Variants in EML5 observed in about 807,000 individuals in gnomAD.
EML5 encodes the protein EMAP like 5, also known as echinoderm microtubule-associated protein-like 5.
In EML5, 120 loss-of-function variants were observed where a neutral mutation model predicts 250.0. That is an observed-to-expected ratio of 0.48 (90% CI 0.41 to 0.56). The LOEUF (loss-of-function observed/expected upper bound fraction) is 0.56. Among genes scored for constraint, EML5 ranks in the 20% least tolerant of loss-of-function variants. EML5 has a pLI of 0.00. For missense variants in EML5, 2,006 were observed against 2,437.6 expected (o/e 0.82, Z 3.73); for synonymous variants, 771 against 806.5 (o/e 0.96, Z 0.75).
At chr14:88,698,032 T>C (rs181471000) in intron 14 of EML5, among the ~76,000 whole-genome samples, 102 of 152,290 alleles carry the variant, frequency 6.7e-4, no homozygotes, top group African/African-American at 2.4e-3. Context: ...CTACCGCACC[T>C]GGCCGAGATT....
At chr14:88,776,340 T>C (rs1037756832) in intron 1 of EML5, among the ~76,000 whole-genome samples, 1 of 152,114 alleles carries the variant, frequency 6.6e-6, no homozygotes, top group Non-Finnish European at 1.5e-5. Flanking sequence ...AATATAGCTG[T>C]GTTGAAGAAA....
intron 7 of EML5, among the ~76,000 whole-genome samples, chr14:88,735,336 T>A (rs770838865): frequency 6.6e-6 from 1 of 152,062 alleles, no homozygotes; most frequent in Non-Finnish European, 1.5e-5. Flanking sequence ...CTTTAATATA[T>A]AAACAGGTAT....
chr14:88,631,735 A>G (rs2090450255), intron 33 of EML5, among the ~76,000 whole-genome samples: 1 of 152,138 alleles, frequency 6.6e-6, no homozygotes, highest in African/African-American at 2.4e-5. Flanking sequence ...GTGCCATTGC[A>G]CTCCAGCCTG....
Position 88,614,922 on chromosome 14 carries a change from A to C in EML5, c.*896T>G, listed in dbSNP as rs1372217110. 2 of 152,220 alleles carry C rather than the reference A, an allele frequency of 1.3e-5. No homozygotes were observed. Among genetic ancestry groups the C allele is most frequent in the African/African-American group, 4.8e-5 (2 of 41,458 alleles). The allele number at this position is 152,220 out of a possible 1,614,324, so 9.4% of individuals were successfully genotyped here. A position where few individuals can be genotyped will look rare whatever the true frequency, so the allele number is the denominator to read the frequency against. ...GAGTGATTAAATTGTATAATGTTGT[A>C]TATGTGAATTTAACACTTTTGTTTA... On this transcript the variant is annotated 3_prime_UTR_variant, in exon 44 of 44. Transcript: ENST00000554922.
At chr14:88,677,974 A>C (rs901456676) in intron 21 of EML5, among the ~76,000 whole-genome samples, 2 of 152,220 alleles carry the variant, frequency 1.3e-5, no homozygotes, top group Non-Finnish European at 2.9e-5. Flanking sequence ...TCATTCTATT[A>C]CAAAGATACA....
At chr14:88,656,930 C>T (rs1209808814) in intron 27 of EML5, among the ~76,000 whole-genome samples, 1 of 152,170 alleles carries the variant, frequency 6.6e-6, no homozygotes, top group Non-Finnish European at 1.5e-5. Context: ...ACCTTATAAA[C>T]ATGTATAAAT....
chr14:88,756,724 C>T (rs1391807231), intron 1 of EML5, among the ~76,000 whole-genome samples: 2 of 152,006 alleles, frequency 1.3e-5, no homozygotes, highest in African/African-American at 2.4e-5. Flanking sequence ...AAAATAATCC[C>T]ACTTACAGTA....
chr14:88,652,347 C>T (rs2033417), intron 27 of EML5, among the ~76,000 whole-genome samples: 27,803 of 152,048 alleles, frequency 0.18, 3,069 homozygotes, highest in East Asian at 0.47. Flanking sequence ...TCTAGACTTC[C>T]CTGGCAACGC....
At chr14:88,764,606 CTTTG>C (rs1044580900) in intron 1 of EML5, among the ~76,000 whole-genome samples, 38 of 152,194 alleles carry the variant, frequency 2.5e-4, no homozygotes, top group African/African-American at 6.5e-4. Context: ...TTATTTCCTA[CTTTG>C]TTTGTTTTTG....
chr14:88,731,074 ATAT>A (rs1194922190), intron 7 of EML5, among the ~76,000 whole-genome samples: 1 of 151,866 alleles, frequency 6.6e-6, no homozygotes, highest in Non-Finnish European at 1.5e-5. Flanking sequence ...ATGTCTTTTT[ATAT>A]TATTATTATG....
chr14:88,730,444 C>A (rs1035275265), intron 7 of EML5, among the ~76,000 whole-genome samples: 5 of 152,202 alleles, frequency 3.3e-5, no homozygotes, highest in African/African-American at 7.2e-5. Context: ...TTACTTAAAT[C>A]ATTTTGAATT....
intron 21 of EML5, among the ~76,000 whole-genome samples, chr14:88,679,931 TG>T (rs1197300535): frequency 2.6e-5 from 4 of 152,174 alleles, no homozygotes; most frequent in Non-Finnish European, 5.9e-5. Context: ...TGGAAAAATT[TG>T]CTCAAAATTA....
intron 2 of EML5, among the ~76,000 whole-genome samples, chr14:88,747,377 A>C (rs1419032196): frequency 6.6e-6 from 1 of 152,050 alleles, no homozygotes; most frequent in Non-Finnish European, 1.5e-5. Context: ...GTTCCACTGC[A>C]CTCTAGCCTG....
intron 42 of EML5, 147 bp from the exon 43 acceptor site, chr14:88,616,389 GAGT>G: frequency 3.9e-6 from 3 of 773,018 alleles, no homozygotes; most frequent in Non-Finnish European, 6.4e-6. Flanking sequence ...TTTTCAGCAT[GAGT>G]AGTGGATCTG....
At chr14:88,785,701 A>T (rs1345297044) in intron 1 of EML5, among the ~76,000 whole-genome samples, 1 of 152,016 alleles carries the variant, frequency 6.6e-6, no homozygotes, top group Non-Finnish European at 1.5e-5. Flanking sequence ...CAAAATACAT[A>T]AAAATTTGCT....
At chr14:88,619,924 C>G (rs1422169172) in intron 39 of EML5, 1 of 152,194 alleles carries the variant, frequency 6.6e-6, no homozygotes, top group African/African-American at 2.4e-5. Context: ...CTCGGCCTCC[C>G]AAAGTGCTGG....
intron 37 of EML5, 112 bp downstream of exon 37, chr14:88,622,492 C>T (rs1292520325): frequency 3.7e-6 from 3 of 813,686 alleles, no homozygotes; most frequent in Non-Finnish European, 3.5e-6. Context: ...CAAGCAAATC[C>T]ATCGTTATGC....
Position 88,627,798 on chromosome 14 carries a change from A to G in EML5, c.4379T>C (p.Ile1460Thr). ...AGTCTGCTTGTTCATTGCATCCCAG[A>G]TGTGAATAGAAGGAGCTGTAGCTAA... ...DMSATAPSIH[I>T]WDAMNKQTLS... is the part of the protein sequence containing the mutation. Residue 1460 changes from isoleucine to threonine, a missense_variant, in exon 34 of 44, where the codon ATC becomes ACC. Physicochemically the swap from Ile to Thr is moderately conservative, Grantham distance 89. Around this residue, in one of 7 missense-constraint regions of EML5, gnomAD observed 1,375 missense variants for 1,590.3 expected, o/e 0.86. Coordinates refer to ENST00000554922, the MANE Select transcript of EML5 (RefSeq NM_183387.3). 1 of 1,601,692 alleles carries G rather than the reference A, an allele frequency of 6.2e-7. No homozygotes were observed. Among genetic ancestry groups the G allele is most frequent in the Non-Finnish European group, 8.5e-7 (1 of 1,174,602 alleles).
intron 7 of EML5, 33 bp from the exon 8 acceptor site, chr14:88,726,711 T>G (rs992799404): frequency 8.2e-6 from 12 of 1,465,206 alleles, no homozygotes; most frequent in South Asian, 2.8e-5. Context: ...TAAAAAAGGT[T>G]AGCTAATGCA....
Sources: gnomAD v4.1 joint callset for allele counts (sites outside exome capture counted in the v4.1 genomes callset) on GRCh38, gnomAD v4.1.1 for gene constraint, gnomAD v4.1.1 regional missense constraint, MANE v1.5 for transcripts, NCBI Gene and HGNC (gene_info 2026-07-23, HGNC 2026-07-21) for gene names.